ZNF484: variants seen among roughly 807,000 people sequenced by gnomAD.
ZNF484 encodes the protein zinc finger protein 484.
Under a neutral mutation model 12.9 loss-of-function variants are expected in ZNF484, and 11 were observed. That is an observed-to-expected ratio of 0.85 (90% CI 0.54 to 1.41). The LOEUF (loss-of-function observed/expected upper bound fraction) is 1.41. ZNF484 is among the 40% of genes most tolerant of loss of function. The probability of loss-of-function intolerance (pLI) is 0.00; values close to 1 mark genes in which losing one functional copy is unlikely to be tolerated. For missense variants in ZNF484, 807 were observed against 1,007.7 expected (o/e 0.80, Z 2.70); for synonymous variants, 289 against 334.1 (o/e 0.86, Z 1.47).
At chr9:92,866,647 A>C (rs1302026191) in intron 2 of ZNF484, among the ~76,000 whole-genome samples, 1 of 152,282 alleles carries the variant, frequency 6.6e-6, no homozygotes, top group East Asian at 1.9e-4. Context: ...CTGGGTATAT[A>C]CCCAAAGGAA....
At chr9:92,851,937 G>A (rs572560514) in intron 4 of ZNF484, among the ~76,000 whole-genome samples, 6 of 152,272 alleles carry the variant, frequency 3.9e-5, no homozygotes, top group African/African-American at 1.4e-4. Context: ...AGATGTGCAC[G>A]TTAACAAAAG....
At chr9:92,864,253 C>G (rs1856939456) in intron 2 of ZNF484, among the ~76,000 whole-genome samples, 1 of 152,096 alleles carries the variant, frequency 6.6e-6, no homozygotes, top group Admixed American at 6.5e-5. Flanking sequence ...ACTTTGGCCA[C>G]AGAGATACAG....
Position 92,847,498 on chromosome 9 carries a change from T to C in ZNF484, c.1289A>G (p.His430Arg). ...TTTTTCTCCAGTATGAATTCTTTCA[T>C]GTGTGATAAAATGTGACTTCCGGAT... The part of the protein sequence containing the change: ...AFIRKSHFIT[H>R]ERIHTGEKPY... The change falls in exon 5 of 5, where the codon CAT becomes CGT. Residue 430 changes from histidine to arginine, a missense_variant. His to Arg is a conservative substitution (Grantham distance 29). Coordinates refer to ENST00000375495, the MANE Select transcript of ZNF484 (RefSeq NM_031486.4). The C allele has an allele frequency of 5.6e-6, 9 of 1,612,964 alleles. No individual in the cohort carries two copies. The highest frequency in any genetic ancestry group is 1.1e-5 in the South Asian group (1 of 90,770).
chr9:92,872,889 G>A lies in ZNF484; in HGVS notation c.15+2126C>T, dbSNP rs1183182845. ...CAGAAACTTTGGAGGCCAGAAGGAAGTAGCACATTTTTCAAGTGCTAAAAA... is the reference window on the plus strand; with the variant it reads ...CAGAAACTTTGGAGGCCAGAAGGAAATAGCACATTTTTCAAGTGCTAAAAA... On this transcript the variant is annotated intron_variant, in intron 2 of 4. Transcript: ENST00000375495. Among the ~76,000 whole-genome samples the A allele has an allele frequency of 2.0e-5, 3 of 151,950 alleles. No homozygotes were observed. In the East Asian group the frequency reaches 5.8e-4, roughly 29 times the overall value.
Position 92,857,168 on chromosome 9 carries a change from T to C in ZNF484, c.16-850A>G, listed in dbSNP as rs145062221. ...GAACTGTAAATGCCAGACGCAATAC[T>C]TGAAATCATCTGTTTCAAAGCACTG... On this transcript the variant is annotated intron_variant, in intron 2 of 4. Coordinates refer to ENST00000375495, the MANE Select transcript of ZNF484 (RefSeq NM_031486.4). Among the ~76,000 whole-genome samples the C allele has an allele frequency of 3.8e-3, 584 of 152,324 alleles. 5 individuals carry two copies. The highest frequency in any genetic ancestry group is 0.013 in the African/African-American group (544 of 41,574).
In ZNF484 at chr9:92,877,884, A is replaced by G; in HGVS notation, c.-31+6T>C. 6.5e-7 allele frequency: 1 copy of G among 1,535,238 alleles called. No individual in the cohort carries two copies. Among genetic ancestry groups the G allele is most frequent in the Non-Finnish European group, 8.7e-7 (1 of 1,146,646 alleles). ...AGTCCACAGATGCTGCCATCCCTCT[A>G]CTCACCTGCCCCTCACCCACGTCCT... On this transcript the variant is annotated splice_donor_region_variant and intron_variant, in intron 1 of 4. Coordinates refer to ENST00000375495, the MANE Select transcript of ZNF484 (RefSeq NM_031486.4).
intron 4 of ZNF484, 53 bp downstream of exon 4, chr9:92,855,758 G>A (rs1378030018): frequency 3.2e-6 from 5 of 1,556,480 alleles, no homozygotes; most frequent in Non-Finnish European, 4.4e-6. Flanking sequence ...GCTTCTCCCA[G>A]TACAAATGCA....
Position 92,856,298 on chromosome 9 carries a change from G to A in ZNF484, c.36C>T (p.Asp12=), listed in dbSNP as rs750044061. 12 of 1,595,286 alleles carry A rather than the reference G, an allele frequency of 7.5e-6. No homozygotes were observed. The highest frequency in any genetic ancestry group is 3.4e-5 in the Admixed American group (2 of 58,174). The stretch of plus-strand genomic sequence containing the variant: ...CATCCCTACTGAAGTCTACAGTTAC[G>A]TCCTTGAATGACACTGATTCCTGTT... ...TKSLESVSFK[D]VTVDFSRDEW... The change falls in exon 3 of 5, where the codon GAC becomes GAT. Residue 12 remains aspartate (D), a synonymous_variant. Coordinates refer to ENST00000375495, the MANE Select transcript of ZNF484 (RefSeq NM_031486.4).
In ZNF484 at chr9:92,847,047, A is replaced by G. The variant is rs372534188; in HGVS notation, c.1740T>C (p.Tyr580=). 4 of 1,613,912 alleles carry G rather than the reference A, an allele frequency of 2.5e-6. No homozygotes were observed. In the African/African-American group the frequency reaches 5.3e-5, roughly 22 times the overall value. ...HQRIHRGEKP[Y]VCTECGKAFF... is the part of the protein sequence containing the mutation. ...AGGCCTTACCACATTCAGTGCAAAC[A>G]TATGGTTTTTCCCCTCTATGAATTC... The change falls in exon 5 of 5, where the codon TAT becomes TAC. Residue 580 remains tyrosine (Y), a synonymous_variant. Coordinates refer to ENST00000375495, the MANE Select transcript of ZNF484 (RefSeq NM_031486.4).
chr9:92,856,424 CAA>C (rs953552681), intron 2 of ZNF484, 106 bp from the exon 3 acceptor site: 2 of 832,298 alleles, frequency 2.4e-6, no homozygotes, highest in African/African-American at 3.5e-5. Context: ...AGAATGGAAA[CAA>C]GATAGGACCT....
chr9:92,851,000 G>GT, intron 4 of ZNF484, among the ~76,000 whole-genome samples: 1 of 152,208 alleles, frequency 6.6e-6, no homozygotes, highest in Non-Finnish European at 1.5e-5. Context: ...AAGACTGAAA[G>GT]TTGTTCATCA....
At chr9:92,857,120 A>T (rs1331246514) in intron 2 of ZNF484, among the ~76,000 whole-genome samples, 1 of 152,230 alleles carries the variant, frequency 6.6e-6, no homozygotes, top group East Asian at 1.9e-4. Context: ...GTAGCTTGGC[A>T]GTCCAGTGCT....
chr9:92,847,380 T>C lies in ZNF484; in HGVS notation c.1407A>G (p.Ile469Met), dbSNP rs1241871796. 1 of 1,613,746 alleles carries C rather than the reference T, an allele frequency of 6.2e-7. No individual in the cohort carries two copies. Among genetic ancestry groups the C allele is most frequent in the Non-Finnish European group, 8.5e-7 (1 of 1,179,920 alleles). Residue 469 changes from isoleucine (I) to methionine (M), a missense_variant, in exon 5 of 5, where the codon ATA becomes ATG. Transcript: ENST00000375495. ...TGAAGACCTTCCCACATTCTGAACATATAAAGGGATTCTCTCCTGTGTGAA... is the reference window on the plus strand; with the variant it reads ...TGAAGACCTTCCCACATTCTGAACACATAAAGGGATTCTCTCCTGTGTGAA... ...QRIHTGENPFICSECGKVFTH... is the reference protein window; with the variant it reads ...QRIHTGENPFMCSECGKVFTH...
chr9:92,856,364 A>G (rs1856458701), intron 2 of ZNF484, 46 bp from the exon 3 acceptor site: 2 of 1,444,908 alleles, frequency 1.4e-6, no homozygotes, highest in Non-Finnish European at 1.8e-6. Context: ...TTTAAAGAAT[A>G]TATTTGAATT....
At chr9:92,861,635 T>A (rs4465027) in intron 2 of ZNF484, among the ~76,000 whole-genome samples, 100,721 of 152,002 alleles carry the variant, frequency 0.66, 34,267 homozygotes, top group African/African-American at 0.81. Flanking sequence ...AAATAATTGA[T>A]GAAATGATTG....
intron 4 of ZNF484, among the ~76,000 whole-genome samples, chr9:92,853,581 CAG>C (rs1462316883): frequency 6.6e-6 from 1 of 152,144 alleles, no homozygotes; most frequent in Non-Finnish European, 1.5e-5. Flanking sequence ...ATCTAAGACA[CAG>C]ATTATGCTGG....
At chr9:92,855,022 G>A (rs1242130127) in intron 4 of ZNF484, among the ~76,000 whole-genome samples, 2 of 152,082 alleles carry the variant, frequency 1.3e-5, no homozygotes, top group African/African-American at 4.8e-5. Flanking sequence ...TATTAGAACA[G>A]TTGCCTCTTG....
At chr9:92,876,571 C>T (rs567472766) in intron 1 of ZNF484, among the ~76,000 whole-genome samples, 179 of 152,062 alleles carry the variant, frequency 1.2e-3, no homozygotes, top group Non-Finnish European at 2.1e-3. Flanking sequence ...TGAGTATCAA[C>T]GTGGAATTCG....
At chr9:92,877,767 A>T in intron 1 of ZNF484, 123 bp downstream of exon 1, 1 of 1,533,106 alleles carries the variant, frequency 6.5e-7, no homozygotes, top group Non-Finnish European at 8.7e-7. Context: ...ATCCACCATC[A>T]GAGATCGCTC....
Sources: allele counts gnomAD v4.1 joint callset (sites outside exome capture counted in the v4.1 genomes callset), GRCh38; gene constraint gnomAD v4.1.1; transcripts MANE v1.5; gene names NCBI Gene and HGNC (gene_info 2026-07-23, HGNC 2026-07-21).